CCDC110: variants seen among roughly 807,000 people sequenced by gnomAD.
The protein encoded by CCDC110 is coiled-coil domain-containing protein 110.
A neutral mutation model predicts 77.1 loss-of-function variants in CCDC110; 70 were observed. The observed-to-expected ratio is 0.91, with a 90% CI of 0.75 to 1.11. CCDC110 has a LOEUF of 1.11. Ranked by LOEUF, CCDC110 falls within the 50% of genes least tolerant of loss-of-function variation. The pLI is 0.00. For missense variants in CCDC110, 868 were observed against 942.9 expected, an observed-to-expected ratio of 0.92 and a Z score of 1.04; for synonymous variants, 295 against 312.5, an observed-to-expected ratio of 0.94 and a Z score of 0.59.
At chr4:185,471,491 A>C in intron 1 of CCDC110, 183 bp downstream of exon 1, 1 of 607,374 alleles carries the variant, frequency 1.6e-6, no homozygotes, top group South Asian at 2.6e-5. Flanking sequence ...TGTAAGCCAC[A>C]GCGGACGCAG....
intron 6 of CCDC110, among the ~76,000 whole-genome samples, chr4:185,447,413 C>G (rs1328300468): frequency 1.3e-5 from 2 of 152,170 alleles, no homozygotes; most frequent in African/African-American, 4.8e-5. Context: ...ATCTCCTGAC[C>G]TCGTGATCCA....
intron 6 of CCDC110, among the ~76,000 whole-genome samples, chr4:185,452,762 G>T (rs1165391335): frequency 6.6e-6 from 1 of 151,956 alleles, no homozygotes; most frequent in African/African-American, 2.4e-5. Flanking sequence ...AGGCATGGTG[G>T]TGGGCAACTG....
At chr4:185,452,888 CAAAAA>C (rs70962569) in intron 6 of CCDC110, among the ~76,000 whole-genome samples, 24 of 67,240 alleles carry the variant, frequency 3.6e-4, no homozygotes, top group South Asian at 9.6e-4. Context: ...GAGTGAGACT[CAAAAA>C]AAAAAAAAAA....
In CCDC110 at chr4:185,459,372, T is replaced by C. The variant is rs765853084; in HGVS notation, c.1215A>G (p.Gly405=). The C allele has an allele frequency of 7.4e-6, 12 of 1,612,074 alleles. No individual in the cohort carries two copies. Among genetic ancestry groups the C allele is most frequent in the South Asian group, 2.2e-5 (2 of 90,504 alleles). ...TTTTCTCATTTTCAGATATTATTGA[T>C]CCTTGTTTTACTAGAAATGGTTGTC... is the stretch of plus-strand genomic sequence containing the variant. ...KERQPFLVKQ[G]SIISENEKTS... is the part of the protein sequence containing the mutation. Residue 405 remains glycine (G), a synonymous_variant, in exon 6 of 7, where the codon GGA becomes GGG. Coordinates refer to ENST00000307588, the MANE Select transcript of CCDC110 (RefSeq NM_152775.4).
rs533849872 is a variant in CCDC110, at chr4:185,464,788, T to C, written c.116-1739A>G. ...AATATTGCCTATATTTACTTGAATT[T>C]AAGAGAATTTTTAAAACTGCAAGTA... On this transcript the variant is annotated intron_variant, in intron 2 of 6. Transcript: ENST00000307588. 5.9e-5 allele frequency among the ~76,000 whole-genome samples: 9 copies of C among 152,360 alleles called. No individual in the cohort carries two copies. The South Asian group carries it at 1.9e-3, about 32-fold the overall frequency.
Position 185,459,584 on chromosome 4 carries a change from G to A in CCDC110, c.1003C>T (p.His335Tyr). The stretch of plus-strand genomic sequence containing the variant: ...AACTTTTTACATTTTCTACAAAAAT[G>A]CACATGGAATTTTGACACAGTTTCC... ...FRETVSKFHV[H>Y]FCRKCKKLSK... Residue 335 changes from histidine (H) to tyrosine (Y), a missense_variant, in exon 6 of 7, where the codon CAT becomes TAT. Transcript: ENST00000307588. The A allele has an allele frequency of 1.2e-6, 2 of 1,613,120 alleles. No homozygotes were observed. Among genetic ancestry groups the A allele is most frequent in the Non-Finnish European group, 1.7e-6 (2 of 1,179,652 alleles).
At chr4:185,466,146 C>T (rs527571266) in intron 2 of CCDC110, among the ~76,000 whole-genome samples, 13 of 152,080 alleles carry the variant, frequency 8.5e-5, no homozygotes, top group East Asian at 5.8e-4. Flanking sequence ...GAGGCCTAGG[C>T]GGGCAGATCA....
intron 6 of CCDC110, among the ~76,000 whole-genome samples, chr4:185,447,507 C>G (rs890795908): frequency 1.3e-5 from 2 of 152,150 alleles, no homozygotes; most frequent in African/African-American, 4.8e-5. Flanking sequence ...AAACATTTAT[C>G]TCAATATGTC....
chr4:185,464,257 G>T (rs1040746641), intron 2 of CCDC110, among the ~76,000 whole-genome samples: 2 of 152,140 alleles, frequency 1.3e-5, no homozygotes, highest in African/African-American at 4.8e-5. Flanking sequence ...CGCTTGCAAA[G>T]TACAGGCACC....
At chr4:185,462,504 T>A in intron 4 of CCDC110, 139 bp downstream of exon 4, 2 of 648,012 alleles carry the variant, frequency 3.1e-6, no homozygotes, top group African/African-American at 1.8e-5. Flanking sequence ...TTAAAATAAA[T>A]TTTGAGCCTA....
intron 2 of CCDC110, among the ~76,000 whole-genome samples, chr4:185,467,834 T>G (rs10004061): frequency 0.45 from 68,512 of 152,076 alleles, 16,756 homozygotes; most frequent in African/African-American, 0.65. Context: ...TAATTCTTAG[T>G]TTCTTCTCAT....
At chr4:185,451,520 G>A (rs35978625) in intron 6 of CCDC110, among the ~76,000 whole-genome samples, 15,669 of 152,148 alleles carry the variant, frequency 0.1, 931 homozygotes, top group Non-Finnish European at 0.14. Context: ...AACTAACACT[G>A]TGCAATTAAT....
At position 185,459,512 on chromosome 4, in the gene CCDC110, T is replaced by A. The variant is rs1352707817; in HGVS notation, c.1075A>T (p.Lys359Ter). The A allele has an allele frequency of 1.1e-5, 18 of 1,613,340 alleles. No individual in the cohort carries two copies. The highest frequency in any genetic ancestry group is 1.3e-5 in the Non-Finnish European group (15 of 1,179,698). The change falls in exon 6 of 7, where the codon AAA (lysine) becomes TAA (stop). Residue 359 changes from lysine to a stop codon, truncating the protein, a stop_gained. Transcript: ENST00000307588. LOFTEE classifies it high-confidence loss of function. ...TTTTTGCCAGTGATGGGAATTTCTT[T>A]ATTGTTTTTCTCATTTTTCTTTCCC... is the stretch of plus-strand genomic sequence containing the variant. Reference protein sequence around the residue: ...HRGKKNEKNNKEIPITGKNIT... With the variant: ...HRGKKNEKNN
intron 6 of CCDC110, among the ~76,000 whole-genome samples, chr4:185,453,832 A>G: frequency 9.2e-6 from 1 of 108,748 alleles, no homozygotes; most frequent in Non-Finnish European, 1.8e-5. Context: ...TTTTTTTTTG[A>G]GACGGAGTTT....
intron 2 of CCDC110, among the ~76,000 whole-genome samples, chr4:185,465,336 A>G (rs1489937330): frequency 6.6e-6 from 1 of 152,262 alleles, no homozygotes; most frequent in Non-Finnish European, 1.5e-5. Context: ...AAGAAATATG[A>G]GACCAAAAGA....
chr4:185,456,865 A>T (rs7667812), intron 6 of CCDC110, among the ~76,000 whole-genome samples: 11,033 of 152,266 alleles, frequency 0.072, 434 homozygotes, highest in South Asian at 0.13. Context: ...GAATAATATT[A>T]ATAATACCAA....
intron 2 of CCDC110, among the ~76,000 whole-genome samples, chr4:185,470,402 G>A (rs1235435910): frequency 1.3e-5 from 2 of 152,140 alleles, no homozygotes; most frequent in Non-Finnish European, 2.9e-5. Flanking sequence ...TATGTAAATG[G>A]CTGTTATACT....
intron 6 of CCDC110, among the ~76,000 whole-genome samples, chr4:185,453,543 C>CTT (rs70962570): frequency 1.6e-4 from 21 of 130,928 alleles, no homozygotes; most frequent in East Asian, 4.4e-4. Context: ...CACAGTCTTG[C>CTT]TTTTTTTTTT....
chr4:185,449,844 A>G, intron 6 of CCDC110: 1 of 424,492 alleles, frequency 2.4e-6, no homozygotes, highest in Non-Finnish European at 4.3e-6. Flanking sequence ...TTGTTGATTT[A>G]TGTTTTTAGA....
Sources: gnomAD v4.1 joint callset for allele counts (sites outside exome capture counted in the v4.1 genomes callset) on GRCh38, gnomAD v4.1.1 for gene constraint, MANE v1.5 for transcripts, NCBI Gene and HGNC (gene_info 2026-07-23, HGNC 2026-07-21) for gene names.